The following VCL variants were observed in gnomAD, a reference collection of about 807,000 sequenced individuals.
The protein encoded by VCL is epididymis luminal protein 114.
Under a neutral mutation model 125.7 loss-of-function variants are expected in VCL, and 47 were observed. The ratio of observed to expected loss-of-function variants is 0.37; its 90% CI spans 0.30 to 0.48. VCL has a LOEUF of 0.48. Ranked by LOEUF, VCL falls within the 20% of genes least tolerant of loss-of-function variation. The pLI is 0.99. For missense variants in VCL, 1,069 were observed against 1,455.5 expected (o/e 0.73, Z 4.32); for synonymous variants, 458 against 514.6 (o/e 0.89, Z 1.49).
At chr10:74,041,101 G>C (rs1841086504) in intron 1 of VCL, among the ~76,000 whole-genome samples, 1 of 152,082 alleles carries the variant, frequency 6.6e-6, no homozygotes, top group South Asian at 2.1e-4. Flanking sequence ...CTCTCACCTT[G>C]GTCTCCCAAA....
chr10:74,070,980 TA>T lies in VCL; in HGVS notation c.400del (p.Ile134LeufsTer35). ...LLTFDEAEVR[K>X]IIRVCKGILE... ...ACTCTGAAATATTTTTTCAGGTCCG[TA>T]AAATTATTAGAGTTTGCAAAGGAAT... On this transcript the variant is annotated frameshift_variant, in exon 4 of 22. Coordinates refer to ENST00000211998, the MANE Select transcript of VCL (RefSeq NM_014000.3). LOFTEE classifies it high-confidence loss of function. 1 of 1,614,184 alleles carries T rather than the reference TA, an allele frequency of 6.2e-7. No homozygotes were observed. The highest frequency in any genetic ancestry group is 8.5e-7 in the Non-Finnish European group (1 of 1,180,014).
chr10:74,089,288 G>T lies in VCL; in HGVS notation c.1115G>T (p.Arg372Leu), dbSNP rs377289804. Residue 372 changes from arginine to leucine, a missense_variant, in exon 9 of 22, where the codon CGC becomes CTC. This residue lies in a region of VCL where 760 missense variants were observed against 928.9 expected (regional missense o/e 0.82). Coordinates refer to ENST00000211998, the MANE Select transcript of VCL (RefSeq NM_014000.3). Reference sequence around the variant, plus strand: ...ACAGCAAAAGTGGAAAATGCAGCTCGCAAGCTGGAAGCCATGACCAACTCA... The same window carrying T: ...ACAGCAAAAGTGGAAAATGCAGCTCTCAAGCTGGAAGCCATGACCAACTCA... ...VLTAKVENAA[R>L]KLEAMTNSKQ... The T allele has an allele frequency of 3.7e-6, 6 of 1,614,090 alleles. No homozygotes were observed. In the African/African-American group the frequency reaches 5.3e-5, roughly 14 times the overall value.
chr10:74,049,110 A>AAAACAAAC (rs71482566), intron 2 of VCL, among the ~76,000 whole-genome samples: 18 of 146,624 alleles, frequency 1.2e-4, no homozygotes, highest in East Asian at 8.5e-4. Flanking sequence ...CCATCTCAAA[A>AAAACAAAC]AAACAAACAA....
chr10:74,120,745 T>A, downstream of VCL: 4 of 152,424 alleles, frequency 2.6e-5, no homozygotes, highest in Non-Finnish European at 5.9e-5. Flanking sequence ...CTCGAACTCC[T>A]GACCTCAAGT....
chr10:74,008,576 G>A (rs991570687), intron 1 of VCL, among the ~76,000 whole-genome samples: 2 of 152,164 alleles, frequency 1.3e-5, no homozygotes, highest in African/African-American at 2.4e-5. Context: ...CTCATTAAAG[G>A]ATCTTTATTT....
At chr10:74,079,199 A>G (rs998093121) in intron 6 of VCL, among the ~76,000 whole-genome samples, 2 of 152,126 alleles carry the variant, frequency 1.3e-5, no homozygotes, top group Non-Finnish European at 2.9e-5. Flanking sequence ...ACATGAATTC[A>G]TAAGAATTTT....
At chr10:74,037,756 T>C (rs925219383) in intron 1 of VCL, among the ~76,000 whole-genome samples, 4 of 152,112 alleles carry the variant, frequency 2.6e-5, no homozygotes, top group African/African-American at 4.8e-5. Flanking sequence ...CAGGCCTGGC[T>C]CCTTTTTTCT....
At chr10:74,051,230 T>C (rs1424033346) in intron 2 of VCL, among the ~76,000 whole-genome samples, 1 of 151,818 alleles carries the variant, frequency 6.6e-6, no homozygotes, top group African/African-American at 2.4e-5. Flanking sequence ...TGTTTTTTGT[T>C]TGTTTGTTTG....
intron 1 of VCL, among the ~76,000 whole-genome samples, chr10:74,019,418 C>T (rs1465603858): frequency 6.6e-6 from 1 of 152,084 alleles, no homozygotes; most frequent in African/African-American, 2.4e-5. Flanking sequence ...CCCCATCCCC[C>T]TACAGGCCCC....
At chr10:74,059,300 G>A (rs1841437505) in intron 2 of VCL, among the ~76,000 whole-genome samples, 1 of 151,914 alleles carries the variant, frequency 6.6e-6, no homozygotes, top group Admixed American at 6.5e-5. Context: ...AGTTTGCAGT[G>A]GGCTGAGATC....
intron 1 of VCL, among the ~76,000 whole-genome samples, chr10:74,042,571 T>C (rs1321238224): frequency 6.6e-6 from 1 of 152,310 alleles, no homozygotes; most frequent in African/African-American, 2.4e-5. Context: ...GGGAAAAATA[T>C]CATATTGTTT....
intron 1 of VCL, among the ~76,000 whole-genome samples, chr10:74,020,911 GA>G (rs1411687484): frequency 6.6e-6 from 1 of 151,134 alleles, no homozygotes; most frequent in Admixed American, 6.6e-5. Flanking sequence ...TGTATGTGTG[GA>G]AGAGTGCATA....
At chr10:74,039,843 A>C (rs967260563) in intron 1 of VCL, among the ~76,000 whole-genome samples, 1 of 152,180 alleles carries the variant, frequency 6.6e-6, no homozygotes, top group Admixed American at 6.5e-5. Flanking sequence ...CTCCTATTGT[A>C]CTGATAAACG....
intron 1 of VCL, among the ~76,000 whole-genome samples, chr10:74,003,759 G>A (rs1840271544): frequency 6.6e-6 from 1 of 152,052 alleles, no homozygotes; most frequent in Non-Finnish European, 1.5e-5. Context: ...TCGCTCTGTC[G>A]CCCAGGCTGG....
At chr10:74,070,911 T>G in intron 3 of VCL, 64 bp from the exon 4 acceptor site, 1 of 1,611,284 alleles carries the variant, frequency 6.2e-7, no homozygotes, top group Non-Finnish European at 8.5e-7. Flanking sequence ...ATGCTGCACA[T>G]CTGTGTTACC....
rs201808867 is a variant in VCL, at chr10:74,094,423, G to A, written c.1505G>A (p.Arg502Gln). 56 of 1,614,016 alleles carry A rather than the reference G, an allele frequency of 3.5e-5. No homozygotes were observed. The highest frequency in any genetic ancestry group is 6.7e-5 in the Admixed American group (4 of 59,992). Residue 502 changes from arginine (R) to glutamine (Q), a missense_variant, in exon 11 of 22, where the codon CGG becomes CAG. Around this residue, in one of 6 missense-constraint regions of VCL, gnomAD observed 760 missense variants for 928.9 expected, o/e 0.82. Coordinates refer to ENST00000211998, the MANE Select transcript of VCL (RefSeq NM_014000.3). ...GAGGGCAAGATTGAGCAAGCACAGC[G>A]GTGGATTGATAATCCCACAGTGGAT... ...HLEGKIEQAQ[R>Q]WIDNPTVDDR... is the part of the protein sequence containing the mutation.
intron 17 of VCL, 95 bp from the exon 18 acceptor site, chr10:74,108,876 G>A: frequency 7.0e-7 from 1 of 1,437,626 alleles, no homozygotes; most frequent in Admixed American, 1.7e-5. Flanking sequence ...GTCAATATGG[G>A]TGGGTTTTCT....
chr10:74,070,512 A>G (rs1841646947), intron 2 of VCL, among the ~76,000 whole-genome samples, 158 bp from the exon 3 acceptor site: 1 of 152,216 alleles, frequency 6.6e-6, no homozygotes, highest in African/African-American at 2.4e-5. Context: ...CCTAAATTGT[A>G]AAATCTAAAA....
At chr10:74,082,710 G>C (rs1367042661) in intron 7 of VCL, among the ~76,000 whole-genome samples, 166 bp downstream of exon 7, 1 of 152,222 alleles carries the variant, frequency 6.6e-6, no homozygotes, top group African/African-American at 2.4e-5. Flanking sequence ...CAAGTAGTAG[G>C]CCTTACAAGG....
Sources: allele counts gnomAD v4.1 joint callset (sites outside exome capture counted in the v4.1 genomes callset), GRCh38; gene constraint gnomAD v4.1.1; regional missense constraint gnomAD v4.1.1; transcripts MANE v1.5; gene names NCBI Gene and HGNC (gene_info 2026-07-23, HGNC 2026-07-21).